COL9A1: variants seen among roughly 807,000 people sequenced by gnomAD.
COL9A1 encodes collagen type IX alpha 1 chain, also known as collagen alpha-1(IX) chain.
A neutral mutation model predicts 142.6 loss-of-function variants in COL9A1; 104 were observed. The ratio of observed to expected loss-of-function variants is 0.73; its 90% CI spans 0.62 to 0.86. COL9A1 has a LOEUF of 0.86. Ranked by LOEUF, COL9A1 falls within the 40% of genes least tolerant of loss-of-function variation. The pLI, the probability that COL9A1 is intolerant of heterozygous loss-of-function variation, is 0.00. For synonymous variants in COL9A1, 466 were observed against 396.0 expected, an observed-to-expected ratio of 1.18 and a Z score of -2.10; for missense variants, 1,210 against 1,176.6, an observed-to-expected ratio of 1.03 and a Z score of -0.42.
intron 25 of COL9A1, 125 bp from the exon 26 acceptor site, chr6:70,253,554 A>G (rs1562304708): frequency 2.8e-6 from 2 of 721,822 alleles, no homozygotes; most frequent in South Asian, 1.8e-5. Context: ...TAATGTAAGG[A>G]AGATGCTTCC....
At chr6:70,298,297 A>G (rs9455033) in intron 4 of COL9A1, among the ~76,000 whole-genome samples, 26,942 of 152,078 alleles carry the variant, frequency 0.18, 3,456 homozygotes, top group East Asian at 0.46. Flanking sequence ...TAGCAACCTC[A>G]TGACAGAGTT....
chr6:70,229,480 T>C (rs1237992309), intron 36 of COL9A1, among the ~76,000 whole-genome samples: 1 of 152,172 alleles, frequency 6.6e-6, no homozygotes, highest in Non-Finnish European at 1.5e-5. Context: ...ATTTATTTCA[T>C]TTATTCATGA....
chr6:70,279,855 T>C, intron 10 of COL9A1: 1 of 466,534 alleles, frequency 2.1e-6, no homozygotes, highest in Non-Finnish European at 4.0e-6. Flanking sequence ...AATTATAGGT[T>C]TTCGAGTGCT....
chr6:70,266,589 A>G, intron 18 of COL9A1, 128 bp downstream of exon 18: 2 of 809,440 alleles, frequency 2.5e-6, no homozygotes, highest in Non-Finnish European at 4.3e-6. Flanking sequence ...AGAACTTATC[A>G]ATCATTATTT....
At chr6:70,256,687 TAAAC>T in intron 21 of COL9A1, 77 bp downstream of exon 21, 3 of 1,149,100 alleles carry the variant, frequency 2.6e-6, no homozygotes, top group Non-Finnish European at 3.9e-6. Flanking sequence ...TATTCACACA[TAAAC>T]AATACTGCAC....
At chr6:70,236,495 T>C (rs1297928894) in intron 33 of COL9A1, among the ~76,000 whole-genome samples, 1 of 152,234 alleles carries the variant, frequency 6.6e-6, no homozygotes, top group East Asian at 1.9e-4. Flanking sequence ...TGAATGTTTA[T>C]AAAGCAATTT....
At chr6:70,268,566 A>G (rs1772182855) in intron 17 of COL9A1, among the ~76,000 whole-genome samples, 1 of 152,142 alleles carries the variant, frequency 6.6e-6, no homozygotes, top group Admixed American at 6.5e-5. Context: ...TCTCAATCCA[A>G]TGTATTTTAT....
At chr6:70,234,378 A>G (rs922709910) in intron 35 of COL9A1, among the ~76,000 whole-genome samples, 161 bp downstream of exon 35, 5 of 152,172 alleles carry the variant, frequency 3.3e-5, no homozygotes, top group African/African-American at 1.2e-4. Context: ...TGTGGATGCC[A>G]ATAGTTGGAA....
intron 20 of COL9A1, among the ~76,000 whole-genome samples, chr6:70,257,954 A>G (rs1771426489): frequency 1.3e-5 from 2 of 152,288 alleles, no homozygotes; most frequent in East Asian, 1.9e-4. Flanking sequence ...TCCTGGACAG[A>G]TATTAGGTTC....
intron 33 of COL9A1, among the ~76,000 whole-genome samples, chr6:70,236,142 C>T (rs1288208258): frequency 1.0e-5 from 1 of 98,444 alleles, no homozygotes; most frequent in South Asian, 3.7e-4. Context: ...AAAAAAAAAA[C>T]TTGACCAAAG....
intron 4 of COL9A1, among the ~76,000 whole-genome samples, chr6:70,295,160 G>A (rs1263895629): frequency 1.3e-5 from 2 of 151,982 alleles, no homozygotes; most frequent in Non-Finnish European, 2.9e-5. Flanking sequence ...TTCACACTGA[G>A]GATGTTTGTC....
At chr6:70,219,072 T>A (rs1449700517) in intron 37 of COL9A1, among the ~76,000 whole-genome samples, 2 of 152,216 alleles carry the variant, frequency 1.3e-5, no homozygotes. Context: ...GATAAAGCTG[T>A]AGCAGAACTA....
chr6:70,286,178 G>A (rs1773444450), intron 5 of COL9A1, among the ~76,000 whole-genome samples: 1 of 152,140 alleles, frequency 6.6e-6, no homozygotes, highest in Non-Finnish European at 1.5e-5. Context: ...GTGAGCCACC[G>A]AATCTGGCCT....
chr6:70,238,145 A>T (rs75171711), intron 33 of COL9A1, among the ~76,000 whole-genome samples: 2,456 of 152,202 alleles, frequency 0.016, 80 homozygotes, highest in East Asian at 0.13. Context: ...TTATTTTTTT[A>T]AAAAATCTAG....
chr6:70,250,960 C>G (rs77353939), intron 28 of COL9A1, among the ~76,000 whole-genome samples: 6,613 of 152,242 alleles, frequency 0.043, 295 homozygotes, highest in East Asian at 0.14. Flanking sequence ...TACCCTATCA[C>G]CCAGCAATTC....
At position 70,254,721 on chromosome 6, in the gene COL9A1, A is replaced by G. The variant is rs533256606; in HGVS notation, c.1666-192T>C. ...ATAGGACATAATTCAACCAAAATGC[A>G]CAGTCTCTCTCAACTTACTTTCATC... is the stretch of plus-strand genomic sequence containing the variant. On this transcript the variant is annotated intron_variant, in intron 24 of 37. Transcript: ENST00000357250. 7.4e-6 allele frequency: 5 copies of G among 676,760 alleles called. No individual in the cohort carries two copies. In the East Asian group the frequency reaches 1.3e-4, roughly 18 times the overall value. 41.9% of individuals were successfully genotyped at this position (676,760 alleles called of 1,614,324 possible). A position where few individuals can be genotyped will look rare whatever the true frequency, so the allele number is the denominator to read the frequency against.
intron 33 of COL9A1, among the ~76,000 whole-genome samples, chr6:70,235,525 C>T (rs1347904954): frequency 1.3e-5 from 2 of 152,082 alleles, no homozygotes; most frequent in South Asian, 2.1e-4. Context: ...TATTGGAATA[C>T]TACATTTTTT....
chr6:70,294,976 A>C (rs1222520533), intron 4 of COL9A1, among the ~76,000 whole-genome samples: 1 of 152,228 alleles, frequency 6.6e-6, no homozygotes, highest in Non-Finnish European at 1.5e-5. Flanking sequence ...CAGCTGTACT[A>C]GCTTATGAAA....
At chr6:70,232,877 A>G in intron 35 of COL9A1, 106 bp from the exon 36 acceptor site, 1 of 1,112,948 alleles carries the variant, frequency 9.0e-7, no homozygotes, top group Non-Finnish European at 1.3e-6. Flanking sequence ...GTGTCACCAG[A>G]TCTTCAAAAT....
Sources: gnomAD v4.1 joint callset for allele counts (sites outside exome capture counted in the v4.1 genomes callset) on GRCh38, gnomAD v4.1.1 for gene constraint, MANE v1.5 for transcripts, NCBI Gene and HGNC (gene_info 2026-07-23, HGNC 2026-07-21) for gene names.